Variants in MARCHF6 observed in about 807,000 individuals in gnomAD.
MARCHF6 encodes membrane associated ring-CH-type finger 6.
A neutral mutation model predicts 133.7 loss-of-function variants in MARCHF6; 31 were observed. That is an observed-to-expected ratio of 0.23 (90% confidence interval 0.17 to 0.31). MARCHF6 has a LOEUF of 0.31. Ranked by LOEUF, MARCHF6 falls within the 10% of genes least tolerant of loss-of-function variation. The pLI is 1.00. For synonymous variants in MARCHF6, 395 were observed against 402.5 expected (o/e 0.98, Z 0.22); for missense variants, 723 against 1,121.6 (o/e 0.64, Z 5.08).
intron 17 of MARCHF6, among the ~76,000 whole-genome samples, chr5:10,407,570 T>C (rs1738970071): frequency 6.6e-6 from 1 of 152,234 alleles, no homozygotes; most frequent in African/African-American, 2.4e-5. Flanking sequence ...GAAAAGCACA[T>C]TATAAAGAAT....
chr5:10,410,250 G>C lies in MARCHF6; in HGVS notation c.1665G>C (p.Ala555=). 1.9e-6 allele frequency: 3 copies of C among 1,613,192 alleles called. No homozygotes were observed. The highest frequency in any genetic ancestry group is 2.5e-6 in the Non-Finnish European group (3 of 1,179,994). ...AGTGGCTGAAGGGGCTGGTGCGAGC[G>C]TGGACTGTGACCGCCGGATACTTGC... The part of the protein sequence containing the change: ...TRQWLKGLVR[A]WTVTAGYLLD... Residue 555 remains alanine, a synonymous_variant, in exon 18 of 26, where the codon GCG becomes GCC. Coordinates refer to ENST00000274140, the MANE Select transcript of MARCHF6 (RefSeq NM_005885.4).
chr5:10,394,885 C>G (rs113221603), intron 9 of MARCHF6, 100 bp downstream of exon 9: 16 of 691,356 alleles, frequency 2.3e-5, no homozygotes, highest in Non-Finnish European at 3.6e-5. Context: ...CTGCAACCTC[C>G]GTCTCCTGGG....
Position 10,433,614 on chromosome 5 carries a change from T to C in MARCHF6, c.2663T>C (p.Leu888Pro), listed in dbSNP as rs1205379328. 6.2e-7 allele frequency: 1 copy of C among 1,614,210 alleles called. No individual in the cohort carries two copies. Among genetic ancestry groups the C allele is most frequent in the Non-Finnish European group, 8.5e-7 (1 of 1,180,012 alleles). Reference protein sequence around the residue: ...KNDKYLVGQRLVNYERKSGKQ... With the variant: ...KNDKYLVGQRPVNYERKSGKQ... ...CCTAGGTACCTTGTGGGTCAACGAC[T>C]CGTGAACTACGAACGGAAATCTGGC... Residue 888 changes from leucine to proline, a missense_variant, in exon 26 of 26, where the codon CTC (leucine) becomes CCC (proline). Physicochemically the swap from Leu to Pro is moderately conservative, Grantham distance 98. This residue lies in a region of MARCHF6 where 492 missense variants were observed against 699.5 expected (regional missense o/e 0.70). Transcript: ENST00000274140.
intron 5 of MARCHF6, 32 bp from the exon 6 acceptor site, chr5:10,390,300 G>A: frequency 6.4e-7 from 1 of 1,568,426 alleles, no homozygotes; most frequent in Non-Finnish European, 8.7e-7. Flanking sequence ...AGTCTTCTTT[G>A]GAGTAATTAT....
intron 9 of MARCHF6, among the ~76,000 whole-genome samples, chr5:10,395,872 T>C (rs1738160388): frequency 6.6e-6 from 1 of 152,194 alleles, no homozygotes; most frequent in Non-Finnish European, 1.5e-5. Context: ...GGAACATATC[T>C]GGTATAATTC....
intron 2 of MARCHF6, among the ~76,000 whole-genome samples, chr5:10,378,360 G>A (rs779107607): frequency 2.6e-5 from 4 of 152,152 alleles, no homozygotes; most frequent in Non-Finnish European, 4.4e-5. Context: ...ATTGAAGCAT[G>A]GGAAGGCTAG....
chr5:10,426,581 C>A, intron 24 of MARCHF6, 59 bp downstream of exon 24: 2 of 1,556,298 alleles, frequency 1.3e-6, no homozygotes, highest in Non-Finnish European at 1.8e-6. Context: ...TGGACATTCT[C>A]TTTACCCCTA....
intron 1 of MARCHF6, among the ~76,000 whole-genome samples, chr5:10,360,669 A>G (rs1331738945): frequency 6.6e-6 from 1 of 152,118 alleles, no homozygotes; most frequent in Non-Finnish European, 1.5e-5. Flanking sequence ...CTTAAATTCA[A>G]ATTTCTGGAA....
At chr5:10,359,476 C>T (rs539530276) in intron 1 of MARCHF6, among the ~76,000 whole-genome samples, 5 of 152,030 alleles carry the variant, frequency 3.3e-5, no homozygotes, top group Non-Finnish European at 7.4e-5. Flanking sequence ...GCATATAATA[C>T]AGTACGCAAT....
intron 23 of MARCHF6, 40 bp downstream of exon 23, chr5:10,423,864 TG>T (rs758247518): frequency 6.8e-7 from 1 of 1,465,468 alleles, no homozygotes; most frequent in African/African-American, 1.4e-5. Context: ...ATTCTGGAAT[TG>T]GTTGTGTTTA....
intron 1 of MARCHF6, among the ~76,000 whole-genome samples, chr5:10,373,028 C>G (rs759425362): frequency 2.0e-5 from 3 of 151,798 alleles, no homozygotes; most frequent in Non-Finnish European, 4.4e-5. Context: ...TCACTGCACT[C>G]CAGCCTGGGT....
intron 4 of MARCHF6, among the ~76,000 whole-genome samples, chr5:10,386,598 T>C (rs1579559605): frequency 6.6e-6 from 1 of 152,340 alleles, no homozygotes; most frequent in East Asian, 1.9e-4. Context: ...TTTCAAAGAC[T>C]TATACCTCCA....
At chr5:10,376,790 A>G (rs1040162742) in intron 1 of MARCHF6, among the ~76,000 whole-genome samples, 1 of 152,170 alleles carries the variant, frequency 6.6e-6, no homozygotes, top group Non-Finnish European at 1.5e-5. Context: ...GCATGTGCTC[A>G]CTTGAATCCG....
intron 1 of MARCHF6, among the ~76,000 whole-genome samples, chr5:10,371,751 G>A (rs906677666): frequency 8.5e-5 from 13 of 152,146 alleles, no homozygotes; most frequent in African/African-American, 3.1e-4. Flanking sequence ...TGAATGTTGT[G>A]CTTTTTTATA....
At chr5:10,421,684 C>G (rs1347407174) in intron 22 of MARCHF6, among the ~76,000 whole-genome samples, 4 of 152,172 alleles carry the variant, frequency 2.6e-5, no homozygotes, top group Admixed American at 2.6e-4. Context: ...ACATTAATCT[C>G]ATTTGGGTGT....
At chr5:10,370,577 A>C (rs1736410009) in intron 1 of MARCHF6, among the ~76,000 whole-genome samples, 1 of 152,170 alleles carries the variant, frequency 6.6e-6, no homozygotes, top group East Asian at 1.9e-4. Flanking sequence ...GAACATTTAA[A>C]ATTTTTTATT....
At chr5:10,362,639 G>C (rs973758757) in intron 1 of MARCHF6, among the ~76,000 whole-genome samples, 5 of 152,126 alleles carry the variant, frequency 3.3e-5, no homozygotes, top group Admixed American at 6.5e-5. Context: ...CTCTCCCTTT[G>C]CAGTCACTTT....
At chr5:10,365,663 CG>C (rs1275280043) in intron 1 of MARCHF6, among the ~76,000 whole-genome samples, 4 of 152,096 alleles carry the variant, frequency 2.6e-5, no homozygotes, top group Non-Finnish European at 5.9e-5. Flanking sequence ...TATGGGTATA[CG>C]CTCACCCTCA....
chr5:10,410,142 T>C lies in MARCHF6; in HGVS notation c.1557T>C (p.Asp519=). ...TTATAAATCCTGCCTCTTTCAGTGA[T>C]GCTCCAGTGAGTGAACTGTCCCTCG... is the stretch of plus-strand genomic sequence containing the variant. The part of the protein sequence containing the change: ...FLPYNVMLYS[D]APVSELSLEL... Residue 519 remains aspartate, a synonymous_variant, in exon 18 of 26, where the codon GAT becomes GAC. Transcript: ENST00000274140. 6.2e-7 allele frequency: 1 copy of C among 1,613,936 alleles called. No individual in the cohort carries two copies. The highest frequency in any genetic ancestry group is 1.3e-5 in the African/African-American group (1 of 75,040).
Sources: gnomAD v4.1 joint callset for allele counts (sites outside exome capture counted in the v4.1 genomes callset) on GRCh38, gnomAD v4.1.1 for gene constraint, gnomAD v4.1.1 regional missense constraint, MANE v1.5 for transcripts, NCBI Gene and HGNC (gene_info 2026-07-23, HGNC 2026-07-21) for gene names.